Variants in RELN observed in about 807,000 individuals in gnomAD.
RELN encodes the protein reelin.
A neutral mutation model predicts 427.6 loss-of-function variants in RELN; 108 were observed. The observed-to-expected ratio is 0.25, with a 90% CI of 0.22 to 0.30. RELN has a LOEUF of 0.30. Among genes scored for constraint, RELN ranks in the 10% least tolerant of loss-of-function variants. RELN has a pLI of 1.00. For synonymous variants in RELN, 1,524 were observed against 1,513.4 expected (o/e 1.01, Z -0.16); for missense variants, 3,715 against 4,302.8 (o/e 0.86, Z 3.82).
intron 6 of RELN, among the ~76,000 whole-genome samples, chr7:103,738,897 G>A (rs1267197280): frequency 6.6e-6 from 1 of 151,922 alleles, no homozygotes; most frequent in Non-Finnish European, 1.5e-5. Flanking sequence ...TGGCCAGGAT[G>A]GTCTTGATAT....
chr7:103,679,697 C>CTT (rs142501507), intron 11 of RELN, among the ~76,000 whole-genome samples: 3 of 147,570 alleles, frequency 2.0e-5, no homozygotes, highest in African/African-American at 7.4e-5. Context: ...AGTTTTAGTT[C>CTT]TTTTTTTTTT....
At chr7:103,670,448 T>C (rs768160239) in intron 11 of RELN, among the ~76,000 whole-genome samples, 13 of 152,112 alleles carry the variant, frequency 8.5e-5, no homozygotes, top group Non-Finnish European at 1.5e-4. Context: ...AGGTCTATAT[T>C]TATTGACTAG....
At chr7:103,720,619 GT>G (rs1040446445) in intron 8 of RELN, among the ~76,000 whole-genome samples, 3 of 152,062 alleles carry the variant, frequency 2.0e-5, no homozygotes, top group Non-Finnish European at 4.4e-5. Context: ...TTAACATATA[GT>G]TTTTTATAAC....
At chr7:103,684,243 T>C (rs1306055178) in intron 10 of RELN, among the ~76,000 whole-genome samples, 5 of 152,160 alleles carry the variant, frequency 3.3e-5, no homozygotes, top group Non-Finnish European at 7.3e-5. Context: ...CCTAAATCAA[T>C]TACAAGACAA....
intron 64 of RELN, chr7:103,476,625 C>A: frequency 5.2e-6 from 1 of 192,042 alleles, no homozygotes; most frequent in South Asian, 9.0e-5. Context: ...GTTTATGAGC[C>A]TTTGAAAATC....
rs562574425 is a variant in RELN at position 103,738,484 on chromosome 7, T to C, written c.657-10277A>G. On this transcript the variant is annotated intron_variant, in intron 6 of 64. Transcript: ENST00000428762. Reference sequence around the variant, plus strand: ...GGTTCTGAAAATGCATCCATCTATGTAACCCACATCCTCTCATGATATACA... The same window carrying C: ...GGTTCTGAAAATGCATCCATCTATGCAACCCACATCCTCTCATGATATACA... Among the ~76,000 whole-genome samples, 11 of 152,106 alleles carry C rather than the reference T, an allele frequency of 7.2e-5. No individual in the cohort carries two copies. The South Asian group carries it at 2.3e-3, about 32-fold the overall frequency.
At chr7:103,780,536 T>G (rs1482939796) in intron 3 of RELN, among the ~76,000 whole-genome samples, 1 of 152,304 alleles carries the variant, frequency 6.6e-6, no homozygotes, top group South Asian at 2.1e-4. Flanking sequence ...TTTTTCCTGA[T>G]CTTCTCCCTA....
intron 48 of RELN, among the ~76,000 whole-genome samples, chr7:103,520,158 GA>G (rs1295689213): frequency 4.0e-5 from 6 of 151,702 alleles, no homozygotes; most frequent in African/African-American, 1.5e-4. Context: ...TAAGCAAGAT[GA>G]GAGCTGGAAC....
intron 3 of RELN, among the ~76,000 whole-genome samples, chr7:103,821,843 T>G (rs1351846159): frequency 2.6e-5 from 4 of 152,176 alleles, no homozygotes; most frequent in African/African-American, 9.6e-5. Context: ...GACATTGCTC[T>G]TTGAAATATA....
At chr7:103,661,116 G>A (rs1406693597) in intron 12 of RELN, among the ~76,000 whole-genome samples, 1 of 152,116 alleles carries the variant, frequency 6.6e-6, no homozygotes, top group Non-Finnish European at 1.5e-5. Flanking sequence ...ACCATGGAGG[G>A]AGAGGTGGAA....
In RELN at chr7:103,557,059, A is replaced by T; in HGVS notation, c.5715T>A (p.Asn1905Lys). 1 of 1,613,568 alleles carries T rather than the reference A, an allele frequency of 6.2e-7. No individual in the cohort carries two copies. The highest frequency in any genetic ancestry group is 1.1e-5 in the South Asian group (1 of 91,074). Residue 1905 changes from asparagine (N) to lysine (K), a missense_variant, in exon 38 of 65, where the codon AAT becomes AAA. Coordinates refer to ENST00000428762, the MANE Select transcript of RELN (RefSeq NM_005045.4). ...GCAAGGGAACATTGATGAAAAGTAT[A>T]TTCGTTGTTTGAGGAAAGTAAAATT... ...MDEFYFPQTT[N>K]ILFINVPLPY...
At chr7:103,827,662 T>C (rs1371023478) in intron 3 of RELN, among the ~76,000 whole-genome samples, 1 of 151,974 alleles carries the variant, frequency 6.6e-6, no homozygotes, top group East Asian at 1.9e-4. Flanking sequence ...TATGGGGAAG[T>C]GAGAACTATC....
chr7:103,728,910 C>T (rs1002030173), intron 6 of RELN, among the ~76,000 whole-genome samples: 6 of 152,080 alleles, frequency 3.9e-5, no homozygotes, highest in Admixed American at 6.6e-5. Flanking sequence ...GCTAACCTCA[C>T]GAATAACGGA....
At chr7:103,725,412 G>T (rs1394115570) in intron 7 of RELN, among the ~76,000 whole-genome samples, 1 of 143,298 alleles carries the variant, frequency 7.0e-6, no homozygotes, top group Admixed American at 6.9e-5. Flanking sequence ...AAAATTAGCT[G>T]GGTGTGGTGG....
At position 103,640,684 on chromosome 7, in the gene RELN, A is replaced by G. The variant is rs1832678452; in HGVS notation, c.2003-75T>C. 7.0e-7 allele frequency: 1 copy of G among 1,433,098 alleles called. No individual in the cohort carries two copies. Among genetic ancestry groups the G allele is most frequent in the Non-Finnish European group, 9.7e-7 (1 of 1,028,334 alleles). The allele number at this position is 1,433,098 out of a possible 1,614,324, so 88.8% of individuals were successfully genotyped here. On this transcript the variant is annotated intron_variant, in intron 16 of 64. Transcript: ENST00000428762. This position sits in a 1 kb window ranked among gnomAD's most constrained non-coding sequence, Gnocchi z 4.1. ...AGTACAATTTTGTGAAGTAATACTC[A>G]TGAAATATGGCCCCTTGTGTGTATG...
At chr7:103,792,871 C>T (rs1281443636) in intron 3 of RELN, among the ~76,000 whole-genome samples, 1 of 152,052 alleles carries the variant, frequency 6.6e-6, no homozygotes, top group East Asian at 1.9e-4. Flanking sequence ...GAAATGGAAG[C>T]ATAATAATAC....
chr7:103,597,060 A>G (rs1831554344), intron 24 of RELN, among the ~76,000 whole-genome samples: 1 of 152,214 alleles, frequency 6.6e-6, no homozygotes, highest in South Asian at 2.1e-4. Flanking sequence ...ATCTCAGCCC[A>G]TTATTCATAC....
chr7:103,755,636 T>TAAAAG (rs1791124957), intron 4 of RELN, among the ~76,000 whole-genome samples: 1 of 133,206 alleles, frequency 7.5e-6, no homozygotes, highest in African/African-American at 2.8e-5. Flanking sequence ...ATAAAATAAA[T>TAAAAG]AAAATAAAAT....
At chr7:103,975,530 T>TTTAC (rs1330494335) in intron 1 of RELN, among the ~76,000 whole-genome samples, 1 of 146,404 alleles carries the variant, frequency 6.8e-6, no homozygotes, top group Non-Finnish European at 1.5e-5. Flanking sequence ...TATTTATTTA[T>TTTAC]TTATTTATTT....
Sources: allele counts gnomAD v4.1 joint callset (sites outside exome capture counted in the v4.1 genomes callset), GRCh38; gene constraint gnomAD v4.1.1; non-coding constraint Gnocchi (gnomAD v3.1); transcripts MANE v1.5; gene names NCBI Gene and HGNC (gene_info 2026-07-23, HGNC 2026-07-21).